NUMB: variants seen among roughly 807,000 people sequenced by gnomAD.
NUMB encodes the protein protein numb homolog.
In NUMB, 29 loss-of-function variants were observed where a neutral mutation model predicts 59.7. The ratio of observed to expected loss-of-function variants is 0.49; its 90% confidence interval spans 0.36 to 0.66. NUMB has a LOEUF of 0.66. Ranked by LOEUF, NUMB falls within the 30% of genes least tolerant of loss-of-function variation. The pLI, the probability that NUMB is intolerant of heterozygous loss-of-function variation, is 0.00. For missense variants in NUMB, 723 were observed against 822.0 expected (o/e 0.88, Z 1.47); for synonymous variants, 288 against 288.2 (o/e 1.00, Z 0.01).
At chr14:73,279,461 C>G (rs374767454) in intron 11 of NUMB, 37 bp from the exon 12 acceptor site, 1 of 1,545,518 alleles carries the variant, frequency 6.5e-7, no homozygotes, top group Admixed American at 2.0e-5. Context: ...GGAGTTAATT[C>G]ATGCAGGGTG....
At chr14:73,398,415 A>AGAGAGTGTGTGTGTGTGT (rs1438462148) in intron 2 of NUMB, among the ~76,000 whole-genome samples, 1 of 118,804 alleles carries the variant, frequency 8.4e-6, no homozygotes, top group African/African-American at 3.3e-5. Context: ...AGAGAGAGAG[A>AGAGAGTGTGTGTGTGTGT]GTGTGTGTGT....
intron 11 of NUMB, among the ~76,000 whole-genome samples, chr14:73,281,244 C>T (rs1888617372): frequency 6.9e-6 from 1 of 145,624 alleles, no homozygotes; most frequent in Non-Finnish European, 1.6e-5. Flanking sequence ...CTCTCTGAGC[C>T]TCTTTTTTTT....
intron 1 of NUMB, among the ~76,000 whole-genome samples, chr14:73,439,382 A>T (rs1048614312): frequency 6.6e-6 from 1 of 152,214 alleles, no homozygotes; most frequent in African/African-American, 2.4e-5. Context: ...GGGGAAAAAG[A>T]CCCAATTTAG....
intron 1 of NUMB, among the ~76,000 whole-genome samples, chr14:73,436,380 G>C (rs941102857): frequency 3.3e-5 from 5 of 152,078 alleles, no homozygotes; most frequent in Admixed American, 2.6e-4. Context: ...ACAGTAGCGT[G>C]ATCTCGGCTC....
intron 1 of NUMB, among the ~76,000 whole-genome samples, chr14:73,425,596 A>C (rs1342358283): frequency 6.6e-6 from 1 of 152,184 alleles, no homozygotes; most frequent in African/African-American, 2.4e-5. Flanking sequence ...ATTGACTGAC[A>C]AGTATTTAGG....
chr14:73,297,122 G>A lies in NUMB; in HGVS notation c.309+89C>T, dbSNP rs1347435851. 10 of 822,738 alleles carry A rather than the reference G, an allele frequency of 1.2e-5. 1 individual carries two copies. The highest frequency in any genetic ancestry group is 6.8e-4 in the Middle Eastern group (2 of 2,934). 51.0% of individuals were successfully genotyped at this position (822,738 alleles called of 1,614,324 possible). A position where few individuals can be genotyped will look rare whatever the true frequency, so the allele number is the denominator to read the frequency against. ...GTGGAGGTTGCGGTGGGCCGAGATC[G>A]TGCCATTGCACTCCAGCCTGGGTGA... On this transcript the variant is annotated intron_variant, in intron 7 of 12. Coordinates refer to ENST00000555238, the MANE Select transcript of NUMB (RefSeq NM_001005743.2).
intron 1 of NUMB, among the ~76,000 whole-genome samples, chr14:73,419,929 C>T (rs533078375): frequency 9.9e-5 from 15 of 152,256 alleles, no homozygotes; most frequent in African/African-American, 3.4e-4. Context: ...GCAGTAGTGC[C>T]ATCTTGGCTC....
At chr14:73,420,344 T>C (rs753773087) in intron 1 of NUMB, among the ~76,000 whole-genome samples, 1 of 152,110 alleles carries the variant, frequency 6.6e-6, no homozygotes, top group Non-Finnish European at 1.5e-5. Flanking sequence ...ACTGTGAAAA[T>C]GAACTGGGAA....
intron 11 of NUMB, 100 bp from the exon 12 acceptor site, chr14:73,279,524 G>T: frequency 8.9e-7 from 1 of 1,126,782 alleles, no homozygotes. Flanking sequence ...AATACTGGTG[G>T]AATGGATAAG....
intron 2 of NUMB, among the ~76,000 whole-genome samples, chr14:73,387,716 G>C (rs1895616814): frequency 7.2e-6 from 1 of 139,358 alleles, no homozygotes; most frequent in African/African-American, 2.8e-5. Flanking sequence ...CTGGGCTACA[G>C]AGCAATACCC....
At chr14:73,303,130 C>G (rs1461554562) in intron 6 of NUMB, among the ~76,000 whole-genome samples, 2 of 151,922 alleles carry the variant, frequency 1.3e-5, no homozygotes, top group African/African-American at 4.8e-5. Context: ...AGACAGGAGA[C>G]TCCCTTGAAC....
At chr14:73,360,267 T>C (rs1018701202) in intron 3 of NUMB, among the ~76,000 whole-genome samples, 4 of 152,170 alleles carry the variant, frequency 2.6e-5, no homozygotes, top group Admixed American at 6.6e-5. Flanking sequence ...TATAAAGGTA[T>C]GGCCCCGGCT....
intron 4 of NUMB, among the ~76,000 whole-genome samples, chr14:73,334,462 T>TGACA (rs1283218313): frequency 2.0e-5 from 3 of 152,186 alleles, no homozygotes; most frequent in Non-Finnish European, 1.5e-5. Context: ...AATTACTCTT[T>TGACA]GAGTGTTTGA....
At chr14:73,446,292 C>G (rs955281662) in intron 1 of NUMB, among the ~76,000 whole-genome samples, 1 of 152,008 alleles carries the variant, frequency 6.6e-6, no homozygotes, top group African/African-American at 2.4e-5. Context: ...CCACCATCAC[C>G]AGACTTGCAA....
At chr14:73,313,803 ATTTT>A (rs549089757) in intron 6 of NUMB, among the ~76,000 whole-genome samples, 9 of 147,522 alleles carry the variant, frequency 6.1e-5, no homozygotes, top group African/African-American at 2.0e-4. Flanking sequence ...AAAAAAGATG[ATTTT>A]TTTTTTCTTT....
At chr14:73,451,175 C>CAAAAAAAA (rs1209954055) in intron 1 of NUMB, among the ~76,000 whole-genome samples, 1 of 104,142 alleles carries the variant, frequency 9.6e-6, no homozygotes, top group Non-Finnish European at 1.9e-5. Context: ...AAAAAAAAAA[C>CAAAAAAAA]AAAAAACAAA....
chr14:73,306,117 T>C (rs1890413999), intron 6 of NUMB, among the ~76,000 whole-genome samples: 1 of 152,240 alleles, frequency 6.6e-6, no homozygotes, highest in Non-Finnish European at 1.5e-5. Context: ...TTTGAGATTG[T>C]ACTGTGCTCA....
chr14:73,400,358 A>G (rs1173029238), intron 2 of NUMB, among the ~76,000 whole-genome samples: 1 of 152,260 alleles, frequency 6.6e-6, no homozygotes, highest in Admixed American at 6.5e-5. Context: ...GATGCATGTC[A>G]TTACATTTGC....
intron 2 of NUMB, among the ~76,000 whole-genome samples, chr14:73,401,102 T>TA (rs113085694): frequency 3.9e-5 from 6 of 152,270 alleles, no homozygotes; most frequent in African/African-American, 1.2e-4. Flanking sequence ...TCCAAGTAAA[T>TA]AATGTCAGAA....
Sources: gnomAD v4.1 joint callset for allele counts (sites outside exome capture counted in the v4.1 genomes callset) on GRCh38, gnomAD v4.1.1 for gene constraint, MANE v1.5 for transcripts, NCBI Gene and HGNC (gene_info 2026-07-23, HGNC 2026-07-21) for gene names.